SGCZ: variants seen among roughly 807,000 people sequenced by gnomAD.
SGCZ encodes the protein zeta-sarcoglycan.
A neutral mutation model predicts 41.3 loss-of-function variants in SGCZ; 40 were observed. That is an observed-to-expected ratio of 0.97 (90% CI 0.75 to 1.26). SGCZ has a LOEUF of 1.26. Ranked by LOEUF, SGCZ falls within the 50% of genes most tolerant of loss-of-function variation. The pLI, the probability that SGCZ is intolerant of heterozygous loss-of-function variation, is 0.00. For missense variants in SGCZ, 552 were observed against 369.8 expected, an observed-to-expected ratio of 1.49 and a Z score of -4.04; for synonymous variants, 206 against 137.5, an observed-to-expected ratio of 1.50 and a Z score of -3.49.
chr8:14,437,798 T>C (rs1440219863), intron 2 of SGCZ, among the ~76,000 whole-genome samples: 1 of 151,840 alleles, frequency 6.6e-6, no homozygotes, highest in African/African-American at 2.4e-5. Flanking sequence ...ATTTTGTGCA[T>C]TCAACATTTC....
At chr8:14,252,003 C>T (rs139205099) in intron 3 of SGCZ, among the ~76,000 whole-genome samples, 37 of 152,240 alleles carry the variant, frequency 2.4e-4, no homozygotes, top group African/African-American at 7.9e-4. Context: ...AGCCACCGTG[C>T]CTGGCCTGAT....
At chr8:14,149,354 G>A (rs896546091) in intron 5 of SGCZ, among the ~76,000 whole-genome samples, 5 of 151,902 alleles carry the variant, frequency 3.3e-5, no homozygotes, top group African/African-American at 7.2e-5. Flanking sequence ...ATCAACATAC[G>A]AAATTCAGTA....
intron 1 of SGCZ, among the ~76,000 whole-genome samples, chr8:14,771,084 T>A (rs1303255161): frequency 2.0e-5 from 3 of 152,152 alleles, no homozygotes; most frequent in Non-Finnish European, 4.4e-5. Context: ...TTAGAGTTGC[T>A]GATCATGGAA....
intron 2 of SGCZ, among the ~76,000 whole-genome samples, chr8:14,337,045 A>G (rs919452784): frequency 2.6e-5 from 4 of 152,126 alleles, no homozygotes; most frequent in Non-Finnish European, 5.9e-5. Context: ...AATTACTGGG[A>G]GGACTGTGAG....
At chr8:14,378,265 T>C (rs954523444) in intron 2 of SGCZ, among the ~76,000 whole-genome samples, 5 of 151,914 alleles carry the variant, frequency 3.3e-5, no homozygotes, top group Admixed American at 1.3e-4. Flanking sequence ...TTGATTTGCA[T>C]TTCTCTGATG....
intron 1 of SGCZ, among the ~76,000 whole-genome samples, chr8:14,644,807 C>T (rs745825231): frequency 2.0e-5 from 3 of 151,748 alleles, no homozygotes; most frequent in Non-Finnish European, 1.5e-5. Context: ...AGATTACCAA[C>T]TAATTCTAAG....
chr8:14,777,932 A>C (rs1184434987), intron 1 of SGCZ, among the ~76,000 whole-genome samples: 1 of 151,372 alleles, frequency 6.6e-6, no homozygotes, highest in Non-Finnish European at 1.5e-5. Context: ...AACATCATTT[A>C]AAGAAAAAAA....
intron 1 of SGCZ, among the ~76,000 whole-genome samples, chr8:14,695,507 G>T (rs897824579): frequency 2.0e-5 from 3 of 152,072 alleles, no homozygotes; most frequent in Non-Finnish European, 4.4e-5. Flanking sequence ...TGCAACTGGG[G>T]TGTCACTACC....
At chr8:14,552,024 A>G (rs952876413) in intron 2 of SGCZ, among the ~76,000 whole-genome samples, 1 of 151,956 alleles carries the variant, frequency 6.6e-6, no homozygotes, top group African/African-American at 2.4e-5. Flanking sequence ...TGGATACAAT[A>G]GTTATAATGA....
chr8:14,442,446 A>T (rs1054542797), intron 2 of SGCZ, among the ~76,000 whole-genome samples: 3 of 152,108 alleles, frequency 2.0e-5, no homozygotes, highest in African/African-American at 7.2e-5. Flanking sequence ...CTTTTTCTTT[A>T]TAAATTACCC....
chr8:14,635,688 A>C (rs2117410849), intron 1 of SGCZ, among the ~76,000 whole-genome samples: 1 of 151,944 alleles, frequency 6.6e-6, no homozygotes, highest in Middle Eastern at 3.4e-3. Flanking sequence ...TGGAAAAGTG[A>C]TTAAATTTCT....
intron 2 of SGCZ, among the ~76,000 whole-genome samples, chr8:14,440,725 GTATA>G (rs1800229882): frequency 1.7e-5 from 1 of 58,668 alleles, no homozygotes; most frequent in Admixed American, 1.9e-4. Flanking sequence ...ACGTATACAC[GTATA>G]TGTATATATG....
chr8:14,453,504 A>C (rs544607774), intron 2 of SGCZ, among the ~76,000 whole-genome samples: 1 of 152,302 alleles, frequency 6.6e-6, no homozygotes, highest in South Asian at 2.1e-4. Context: ...CAAAACTAAA[A>C]GATTGACATA....
In SGCZ at chr8:15,072,137, G is replaced by C. The variant is rs545115050; in HGVS notation, c.39+165448C>G. On this transcript the variant is annotated intron_variant, in intron 1 of 7. Coordinates refer to ENST00000382080, the MANE Select transcript of SGCZ (RefSeq NM_139167.4). ...AGGTGAAGTACTCTCCATCTTCCTGGTCTTTATTTTCTAGGCAACCTCTCA... is the reference window on the plus strand; with the variant it reads ...AGGTGAAGTACTCTCCATCTTCCTGCTCTTTATTTTCTAGGCAACCTCTCA... Among the ~76,000 whole-genome samples, 139 of 152,086 alleles carry C rather than the reference G, an allele frequency of 9.1e-4. 1 individual carries two copies. The highest frequency in any genetic ancestry group is 9.9e-4 in the Non-Finnish European group (67 of 68,008).
chr8:14,829,448 A>G (rs1802450559), intron 1 of SGCZ, among the ~76,000 whole-genome samples: 1 of 152,084 alleles, frequency 6.6e-6, no homozygotes, highest in East Asian at 1.9e-4. Flanking sequence ...TTTTAATTCA[A>G]TTTTTCCATG....
At chr8:14,107,913 G>C (rs922895350) in intron 6 of SGCZ, among the ~76,000 whole-genome samples, 3 of 152,024 alleles carry the variant, frequency 2.0e-5, no homozygotes, top group Admixed American at 2.0e-4. Context: ...AAAGTGCTGG[G>C]GTTACAGGTG....
chr8:15,032,631 C>A (rs914244789), intron 1 of SGCZ, among the ~76,000 whole-genome samples: 1 of 152,144 alleles, frequency 6.6e-6, no homozygotes, highest in Admixed American at 6.5e-5. Flanking sequence ...AAACTCCAGG[C>A]TCTATGCTGC....
chr8:14,856,863 C>A (rs1269087773), intron 1 of SGCZ, among the ~76,000 whole-genome samples: 1 of 152,104 alleles, frequency 6.6e-6, no homozygotes, highest in South Asian at 2.1e-4. Flanking sequence ...TCTGAACATT[C>A]AGAAATGCAC....
chr8:14,667,521 T>C (rs992331999), intron 1 of SGCZ, among the ~76,000 whole-genome samples: 1 of 152,152 alleles, frequency 6.6e-6, no homozygotes, highest in African/African-American at 2.4e-5. Context: ...TCTTTAAAAA[T>C]ACAGTCATAA....
Sources: allele counts gnomAD v4.1 joint callset (sites outside exome capture counted in the v4.1 genomes callset), GRCh38; gene constraint gnomAD v4.1.1; transcripts MANE v1.5; gene names NCBI Gene and HGNC (gene_info 2026-07-23, HGNC 2026-07-21).